The following ETNPPL variants were observed in gnomAD, a reference collection of about 807,000 sequenced individuals.
ETNPPL encodes ethanolamine-phosphate phospho-lyase.
Under a neutral mutation model 55.5 loss-of-function variants are expected in ETNPPL, and 30 were observed. The observed-to-expected ratio is 0.54, with a 90% confidence interval of 0.40 to 0.73. ETNPPL has a LOEUF of 0.73. Among genes scored for constraint, ETNPPL ranks in the 30% least tolerant of loss-of-function variants. The probability of loss-of-function intolerance (pLI) is 0.00; values close to 1 mark genes in which losing one functional copy is unlikely to be tolerated. For synonymous variants in ETNPPL, 202 were observed against 207.2 expected, an observed-to-expected ratio of 0.98 and a Z score of 0.21; for missense variants, 528 against 607.9, an observed-to-expected ratio of 0.87 and a Z score of 1.38.
chr4:108,762,665 T>G, intron 1 of ETNPPL, 178 bp downstream of exon 1: 3 of 763,600 alleles, frequency 3.9e-6, no homozygotes, highest in Non-Finnish European at 4.7e-6. Flanking sequence ...TCCAGGAGCG[T>G]TTCTGGGAGT....
At chr4:108,748,436 T>C (rs1728728549) in intron 8 of ETNPPL, among the ~76,000 whole-genome samples, 1 of 152,190 alleles carries the variant, frequency 6.6e-6, no homozygotes, top group South Asian at 2.1e-4. Context: ...GCAGACATTA[T>C]GTTGGGAGTT....
intron 1 of ETNPPL, among the ~76,000 whole-genome samples, chr4:108,761,146 C>G (rs113265412): frequency 2.0e-5 from 3 of 152,218 alleles, no homozygotes; most frequent in African/African-American, 7.2e-5. Flanking sequence ...TACATTTTAG[C>G]ACATAGAAAT....
chr4:108,757,634 T>TA (rs902085798), intron 3 of ETNPPL, among the ~76,000 whole-genome samples: 3 of 152,050 alleles, frequency 2.0e-5, no homozygotes, highest in Non-Finnish European at 4.4e-5. Flanking sequence ...TTTTTTAAAT[T>TA]AAAAAAATAG....
Position 108,754,723 on chromosome 4 carries a change from A to G in ETNPPL, c.411-13T>C, listed in dbSNP as rs867920051. On this transcript the variant is annotated splice_polypyrimidine_tract_variant and intron_variant, in intron 4 of 12. Transcript: ENST00000296486. ...ACCATGGTAAGCACTGAAGAGACAA[A>G]GAAAAAAAAGCAGTAATCAAAATAA... 16 of 1,408,584 alleles carry G rather than the reference A, an allele frequency of 1.1e-5. No individual in the cohort carries two copies. In the African/African-American group the frequency reaches 2.1e-4, roughly 19 times the overall value. The allele number at this position is 1,408,584 out of a possible 1,614,324, so 87.3% of individuals were successfully genotyped here. A position where few individuals can be genotyped will look rare whatever the true frequency, so the allele number is the denominator to read the frequency against.
Position 108,742,528 on chromosome 4 carries a change from A to G in ETNPPL, c.1456T>C (p.Cys486Arg). The G allele has an allele frequency of 6.2e-7, 1 of 1,614,194 alleles. No individual in the cohort carries two copies. The highest frequency in any genetic ancestry group is 8.5e-7 in the Non-Finnish European group (1 of 1,180,012). ...ENPSRKRNGM[C>R]TDTHSLLSKR... ...CTGAGCAGTGAATGTGTATCCGTGC[A>G]CATTCCATTTCTCTTTCTGCTGGGA... The change falls in exon 13 of 13, where the codon TGC becomes CGC. Residue 486 changes from cysteine (C) to arginine (R), a missense_variant. By Grantham distance (180) the Cys-to-Arg change is radical. Transcript: ENST00000296486.
chr4:108,743,117 C>T lies in ETNPPL; in HGVS notation c.1372-505G>A, dbSNP rs181107754. On this transcript the variant is annotated intron_variant, in intron 12 of 12. Transcript: ENST00000296486. ...AAGACTTTGCTGACTCCATTGGATG[C>T]GCAGGCGGGCTCGAGGCACTGAGTG... Among the ~76,000 whole-genome samples, 85 of 152,286 alleles carry T rather than the reference C, an allele frequency of 5.6e-4. 1 individual carries two copies. The highest frequency in any genetic ancestry group is 1.9e-4 in the East Asian group (1 of 5,172).
At chr4:108,745,837 A>G (rs1728457974) in intron 11 of ETNPPL, among the ~76,000 whole-genome samples, 1 of 147,800 alleles carries the variant, frequency 6.8e-6, no homozygotes, top group Admixed American at 6.8e-5. Context: ...AGGCTGAGGC[A>G]GGAGAATCGC....
chr4:108,746,806 C>A lies in ETNPPL; in HGVS notation c.1128G>T (p.Leu376=). The change falls in exon 10 of 13, where the codon CTG becomes CTT. Residue 376 remains leucine (L), a synonymous_variant. Coordinates refer to ENST00000296486, the MANE Select transcript of ETNPPL (RefSeq NM_031279.4). ...CTTCAGCTGTGGCAGGGGTCCTTTT[C>A]AGATGGTCCTTCACTAAATCAATTC... ...FIGIDLVKDH[L]KRTPATAEAQ... The A allele has an allele frequency of 6.2e-7, 1 of 1,613,882 alleles. No homozygotes were observed. The highest frequency in any genetic ancestry group is 8.5e-7 in the Non-Finnish European group (1 of 1,179,968).
rs184793886 is a variant in ETNPPL, at chr4:108,747,263, T to C, written c.1083-412A>G. On this transcript the variant is annotated intron_variant, in intron 9 of 12. Coordinates refer to ENST00000296486, the MANE Select transcript of ETNPPL (RefSeq NM_031279.4). ...ATAATATATATATATATTATATATA[T>C]ATATGTCAGTATTTCATACATATAT... Among the ~76,000 whole-genome samples the C allele has an allele frequency of 1.6e-3, 171 of 106,172 alleles. 12 individuals are homozygous for C. Among genetic ancestry groups the C allele is most frequent in the African/African-American group, 5.2e-3 (154 of 29,484 alleles). The allele number at this position is 106,172 out of a possible 152,430, so 69.7% of individuals were successfully genotyped here.
chr4:108,750,339 G>T (rs1469531202), intron 7 of ETNPPL, among the ~76,000 whole-genome samples: 1 of 151,918 alleles, frequency 6.6e-6, no homozygotes, highest in African/African-American at 2.4e-5. Context: ...TAGCCTCCCA[G>T]CCTACATCTT....
Position 108,746,491 on chromosome 4 carries a change from G to C in ETNPPL, c.1211C>G (p.Pro404Arg). ...TTTTATTTTAAGTACATTTCTATGA[G>C]GTCCATCGGCACTGAGAAGCACTCG... ...EKRVLLSADG[P>R]HRNVLKIKPP... Residue 404 changes from proline (P) to arginine (R), a missense_variant, in exon 11 of 13, where the codon CCT (proline) becomes CGT (arginine). Pro to Arg is a moderately radical substitution (Grantham distance 103). Coordinates refer to ENST00000296486, the MANE Select transcript of ETNPPL (RefSeq NM_031279.4). 1 of 1,613,356 alleles carries C rather than the reference G, an allele frequency of 6.2e-7. No individual in the cohort carries two copies. Among genetic ancestry groups the C allele is most frequent in the Non-Finnish European group, 8.5e-7 (1 of 1,179,890 alleles).
At chr4:108,753,680 T>G (rs1729020568) in intron 5 of ETNPPL, among the ~76,000 whole-genome samples, 1 of 151,232 alleles carries the variant, frequency 6.6e-6, no homozygotes, top group Admixed American at 6.6e-5. Context: ...AAGCGGAGGT[T>G]TCAGTGAGCC....
chr4:108,753,743 A>G (rs1484324837), intron 5 of ETNPPL, among the ~76,000 whole-genome samples: 1 of 142,730 alleles, frequency 7.0e-6, no homozygotes, highest in Non-Finnish European at 1.5e-5. Flanking sequence ...CTCCGTCTCA[A>G]ATAAATAAGA....
intron 12 of ETNPPL, among the ~76,000 whole-genome samples, chr4:108,743,368 C>T (rs962619842): frequency 1.6e-4 from 24 of 152,162 alleles, no homozygotes; most frequent in Non-Finnish European, 2.5e-4. Flanking sequence ...CGCTTTAGTT[C>T]GTTTTAGAAC....
intron 6 of ETNPPL, among the ~76,000 whole-genome samples, chr4:108,752,138 A>G (rs1404009743): frequency 6.6e-6 from 1 of 152,228 alleles, no homozygotes; most frequent in Admixed American, 6.5e-5. Flanking sequence ...CAGTTAAGAA[A>G]TGTGAATGGC....
chr4:108,749,582 T>C, intron 7 of ETNPPL, 119 bp from the exon 8 acceptor site: 6 of 697,462 alleles, frequency 8.6e-6, no homozygotes, highest in Non-Finnish European at 1.2e-5. Flanking sequence ...CCTTAATTTT[T>C]CTTAAAAAAC....
At chr4:108,759,688 G>A in intron 3 of ETNPPL, 61 bp downstream of exon 3, 2 of 1,527,274 alleles carry the variant, frequency 1.3e-6, no homozygotes, top group South Asian at 2.3e-5. Flanking sequence ...GGAAAGATTT[G>A]TGTGCAAGAG....
chr4:108,747,618 T>C (rs1252430372), intron 9 of ETNPPL, among the ~76,000 whole-genome samples: 1 of 152,118 alleles, frequency 6.6e-6, no homozygotes, highest in East Asian at 1.9e-4. Context: ...ATGTTAACAG[T>C]GGTGATATCT....
chr4:108,749,059 T>C (rs1402360298), intron 8 of ETNPPL, among the ~76,000 whole-genome samples, 179 bp downstream of exon 8: 1 of 151,978 alleles, frequency 6.6e-6, no homozygotes, highest in Non-Finnish European at 1.5e-5. Context: ...ACTTAAAGTA[T>C]AATTTTATAT....
Sources: allele counts gnomAD v4.1 joint callset (sites outside exome capture counted in the v4.1 genomes callset), GRCh38; gene constraint gnomAD v4.1.1; transcripts MANE v1.5; gene names NCBI Gene and HGNC (gene_info 2026-07-23, HGNC 2026-07-21).